The following GRIPAP1 variants were observed in gnomAD, a reference collection of about 807,000 sequenced individuals.
GRIPAP1 encodes the protein GRIP1 associated protein 1.
GRIPAP1 carries 14 observed loss-of-function variants against 84.1 expected under a neutral mutation model. The observed-to-expected ratio is 0.17, with a 90% CI of 0.11 to 0.26. The LOEUF (loss-of-function observed/expected upper bound fraction) is 0.26, where lower values mean the gene tolerates loss of function less well. Ranked by LOEUF, GRIPAP1 falls within the 10% of genes least tolerant of loss-of-function variation. The pLI is 1.00. For missense variants in GRIPAP1, 518 were observed against 674.2 expected (o/e 0.77, Z 2.57); for synonymous variants, 261 against 256.8 (o/e 1.02, Z -0.15).
At position 48,987,842 on chromosome X, in the gene GRIPAP1, C is replaced by T; in HGVS notation, c.984G>A (p.Val328=). 8.3e-7 allele frequency: 1 copy of T among 1,205,648 alleles called. No individual in the cohort carries two copies. ...SIQSADAQEQ[V]EGLLAENNAL... is the part of the protein sequence containing the mutation. ...CATTGTTCTCAGCCAAAAGCCCTTC[C>T]ACTTGTTCCTGTGCATCTGCACTCT... The change falls in exon 13 of 26, where the codon GTG becomes GTA. Residue 328 remains valine (V), a synonymous_variant. Coordinates refer to ENST00000376423, the MANE Select transcript of GRIPAP1 (RefSeq NM_020137.5).
At chrX:48,976,643 G>A (rs1367280468) in intron 22 of GRIPAP1, among the ~76,000 whole-genome samples, 2 of 111,506 alleles carry the variant, frequency 1.8e-5, no homozygotes, top group Admixed American at 1.9e-4. Context: ...CTGGAAGAGA[G>A]GGACATGTTA....
chrX:48,983,268 C>T lies in GRIPAP1; in HGVS notation c.1445G>A (p.Arg482His), dbSNP rs1483327253. The T allele has an allele frequency of 7.4e-6, 9 of 1,212,389 alleles. No individual in the cohort carries two copies. In the South Asian group the frequency reaches 8.8e-5, roughly 12 times the overall value. ...CTGCCCACGGAGCTCCTCCTCCTGACGCTTCTTGTCTTCATGCAGCTCTCG... is the reference window on the plus strand; with the variant it reads ...CTGCCCACGGAGCTCCTCCTCCTGATGCTTCTTGTCTTCATGCAGCTCTCG... The part of the protein sequence containing the change: ...ELRELHEDKK[R>H]QEEELRGQIR... Residue 482 changes from arginine to histidine, a missense_variant, in exon 16 of 26, where the codon CGT becomes CAT. Around this residue, in one of 5 missense-constraint regions of GRIPAP1, gnomAD observed 372 missense variants for 458.1 expected, o/e 0.81. Coordinates refer to ENST00000376423, the MANE Select transcript of GRIPAP1 (RefSeq NM_020137.5).
At chrX:48,998,119 T>G in intron 4 of GRIPAP1, 35 bp downstream of exon 4, 1 of 1,106,943 alleles carries the variant, frequency 9.0e-7, no homozygotes, top group Non-Finnish European at 1.2e-6. Context: ...CCAAGACATC[T>G]CCCAGTCACA....
intron 19 of GRIPAP1, 29 bp downstream of exon 19, chrX:48,981,567 G>A: frequency 8.5e-7 from 1 of 1,171,380 alleles, no homozygotes; most frequent in Non-Finnish European, 1.2e-6. Flanking sequence ...GATCAGGGGT[G>A]TGTCTGGGGC....
intron 11 of GRIPAP1, chrX:48,988,439 T>C (rs1158850922): frequency 1.3e-5 from 5 of 393,811 alleles, no homozygotes; most frequent in Non-Finnish European, 2.2e-5. Context: ...CTCCTGGCCC[T>C]AGCTGCTACG....
chrX:48,975,089 G>GTGGCTATGT, intron 25 of GRIPAP1, 66 bp downstream of exon 25: 1 of 1,091,805 alleles, frequency 9.2e-7, no homozygotes. Flanking sequence ...GATGACCCAG[G>GTGGCTATGT]GGCTATGTGG....
At chrX:49,001,063 C>G (rs1192228690) in intron 1 of GRIPAP1, 3 of 107,751 alleles carry the variant, frequency 2.8e-5, no homozygotes, top group East Asian at 6.0e-4. Context: ...GTTCCTCATT[C>G]AAGGGTATTC....
intron 24 of GRIPAP1, 90 bp from the exon 25 acceptor site, chrX:48,975,399 A>G: frequency 2.2e-6 from 2 of 910,175 alleles, no homozygotes; most frequent in Non-Finnish European, 3.0e-6. Flanking sequence ...GACGAATACC[A>G]GGGGAGAAGG....
chrX:48,987,743 G>A (rs1557064300), intron 13 of GRIPAP1, 42 bp downstream of exon 13: 1 of 810,912 alleles, frequency 1.2e-6, no homozygotes, highest in East Asian at 3.2e-5. Flanking sequence ...GGAGATGGGG[G>A]AACTGGAGAG....
At chrX:48,983,483 C>T (rs1486532458) in intron 15 of GRIPAP1, 43 bp from the exon 16 acceptor site, 7 of 1,073,585 alleles carry the variant, frequency 6.5e-6, no homozygotes, top group South Asian at 3.9e-5. Flanking sequence ...TCCACAACAT[C>T]GAAAAAAGGC....
intron 15 of GRIPAP1, 54 bp from the exon 16 acceptor site, chrX:48,983,494 C>T: frequency 9.8e-7 from 1 of 1,016,361 alleles, no homozygotes; most frequent in Non-Finnish European, 1.4e-6. Context: ...GAAAAAAGGC[C>T]TCCAACCCTC....
At position 48,989,660 on chromosome X, in the gene GRIPAP1, T is replaced by A. The variant is rs782668332; in HGVS notation, c.821A>T (p.Gln274Leu). 59 of 1,205,956 alleles carry A rather than the reference T, an allele frequency of 4.9e-5. No individual in the cohort carries two copies. The highest frequency in any genetic ancestry group is 6.2e-5 in the Non-Finnish European group (55 of 891,501). The change falls in exon 11 of 26, where the codon CAG becomes CTG. Residue 274 changes from glutamine (Q) to leucine (L), a missense_variant. By Grantham distance (113) the Gln-to-Leu change is moderately radical. Transcript: ENST00000376423. ...QQRKEADHKA[Q>L]LARTQKLQQE... Reference sequence around the variant, plus strand: ...CTGCAGCTTCTGGGTTCGAGCCAACTGGGCTTTGTGATCAGCTTCCTTCCG... The same window carrying A: ...CTGCAGCTTCTGGGTTCGAGCCAACAGGGCTTTGTGATCAGCTTCCTTCCG...
At position 48,999,212 on chromosome X, in the gene GRIPAP1, G is replaced by A. The variant is rs181244326; in HGVS notation, c.171+26C>T. On this transcript the variant is annotated intron_variant, in intron 3 of 25. Transcript: ENST00000376423. ...GGTAGAAGCAAGGGTGGATGGGTAG[G>A]TGGATGGGTGGGTGGAGGGAGGTAC... The A allele has an allele frequency of 6.5e-4, 746 of 1,144,190 alleles. 4 individuals carry two copies. In the African/African-American group the frequency reaches 0.012, roughly 18 times the overall value. The allele number at this position is 1,144,190 out of a possible 1,213,427, so 94.3% of individuals were successfully genotyped here. A position where few individuals can be genotyped will look rare whatever the true frequency, so the allele number is the denominator to read the frequency against.
intron 20 of GRIPAP1, 35 bp from the exon 21 acceptor site, chrX:48,981,349 C>A: frequency 8.4e-7 from 1 of 1,196,220 alleles, no homozygotes; most frequent in Non-Finnish European, 1.1e-6. Flanking sequence ...GGACTGAGGC[C>A]CAGTGGGCCC....
Position 48,991,082 on chromosome X carries a change from G to A in GRIPAP1, c.486C>T (p.Ala162=), listed in dbSNP as rs2064517439. 4 of 1,203,364 alleles carry A rather than the reference G, an allele frequency of 3.3e-6. No homozygotes were observed. Among genetic ancestry groups the A allele is most frequent in the East Asian group, 3.0e-5 (1 of 33,804 alleles). Residue 162 remains alanine, a synonymous_variant, in exon 7 of 26, where the codon GCC becomes GCT. Transcript: ENST00000376423. ...CCTCACTGACAGCTGAGAACTTCCC[G>A]GCTTCTTTCCCATAGCGTTCCTGCA... The part of the protein sequence containing the change: ...AALQERYGKE[A]GKFSAVSEGQ...
intron 1 of GRIPAP1, among the ~76,000 whole-genome samples, chrX:49,001,895 G>A (rs191628781): frequency 9.0e-6 from 1 of 110,765 alleles, no homozygotes; most frequent in East Asian, 2.8e-4. Flanking sequence ...ACCCGCCGAC[G>A]GTGTCCCCTG....
intron 24 of GRIPAP1, chrX:48,975,624 G>A (rs1715743955): frequency 3.1e-6 from 1 of 324,614 alleles, no homozygotes. Context: ...CTGTGAAGGA[G>A]AAAGTTTGAA....
chrX:48,975,722 A>G, intron 24 of GRIPAP1: 1 of 357,513 alleles, frequency 2.8e-6, no homozygotes, highest in Non-Finnish European at 4.8e-6. Flanking sequence ...AGAGAAACGG[A>G]GAAGAGAGAA....
chrX:48,974,390 A>G (rs1193609450), intron 25 of GRIPAP1, 105 bp from the exon 26 acceptor site: 3 of 507,754 alleles, frequency 5.9e-6, no homozygotes, highest in Non-Finnish European at 1.0e-5. Flanking sequence ...TCATTAATCA[A>G]TGCTCAGCTG....
Sources: gnomAD v4.1 joint callset for allele counts (sites outside exome capture counted in the v4.1 genomes callset) on GRCh38, gnomAD v4.1.1 for gene constraint, gnomAD v4.1.1 regional missense constraint, MANE v1.5 for transcripts, NCBI Gene and HGNC (gene_info 2026-07-23, HGNC 2026-07-21) for gene names.